Variants in MNAT1 observed in about 807,000 individuals in gnomAD.
MNAT1 encodes MNAT1 component of CDK activating kinase, also known as CDK-activating kinase assembly factor MAT1.
Under a neutral mutation model 42.0 loss-of-function variants are expected in MNAT1, and 43 were observed. The ratio of observed to expected loss-of-function variants is 1.02; its 90% CI spans 0.80 to 1.32. MNAT1 has a LOEUF of 1.32. MNAT1 is among the 40% of genes most tolerant of loss of function. The probability of loss-of-function intolerance (pLI) is 0.00; values close to 1 mark genes in which losing one functional copy is unlikely to be tolerated. For missense variants in MNAT1, 306 were observed against 350.4 expected, an observed-to-expected ratio of 0.87 and a Z score of 1.01; for synonymous variants, 118 against 120.0, an observed-to-expected ratio of 0.98 and a Z score of 0.11.
At chr14:60,736,753 G>C (rs57127110) in intron 1 of MNAT1, among the ~76,000 whole-genome samples, 486 of 152,212 alleles carry the variant, frequency 3.2e-3, no homozygotes, top group African/African-American at 0.011. Flanking sequence ...CTTCTTGTTG[G>C]TACAATAGAG....
At chr14:60,747,126 A>G (rs1433392437) in intron 1 of MNAT1, among the ~76,000 whole-genome samples, 3 of 150,100 alleles carry the variant, frequency 2.0e-5, no homozygotes, top group Admixed American at 6.6e-5. Context: ...GCTGGACTAC[A>G]GGTGCCCGCC....
chr14:60,795,125 A>G (rs1471246197), intron 1 of MNAT1, among the ~76,000 whole-genome samples: 3 of 152,230 alleles, frequency 2.0e-5, no homozygotes, highest in Admixed American at 2.0e-4. Context: ...CTGGAGGACT[A>G]CAAATGTTTA....
At chr14:60,810,957 TAA>T (rs2032523642) in intron 4 of MNAT1, among the ~76,000 whole-genome samples, 2 of 152,248 alleles carry the variant, frequency 1.3e-5, no homozygotes, top group African/African-American at 4.8e-5. Context: ...GAATGTGAGT[TAA>T]GTCTCCTACT....
chr14:60,850,746 C>A (rs1019813702), intron 6 of MNAT1, among the ~76,000 whole-genome samples: 2 of 152,032 alleles, frequency 1.3e-5, no homozygotes, highest in African/African-American at 2.4e-5. Context: ...GGTAGATTAA[C>A]TTAAAAACAA....
intron 6 of MNAT1, among the ~76,000 whole-genome samples, chr14:60,852,586 T>C (rs1219822468): frequency 6.6e-6 from 1 of 152,186 alleles, no homozygotes; most frequent in Non-Finnish European, 1.5e-5. Context: ...TTTGTTGCCA[T>C]TGCTTTTGGT....
In MNAT1 at chr14:60,841,382, T is replaced by G. The variant is rs79336751; in HGVS notation, c.687+22535T>G. 9.7e-3 allele frequency among the ~76,000 whole-genome samples: 1,466 copies of G among 151,858 alleles called. 10 individuals are homozygous for G. Among genetic ancestry groups the G allele is most frequent in the Admixed American group, 0.013 (205 of 15,278 alleles). On this transcript the variant is annotated intron_variant, in intron 6 of 7. Coordinates refer to ENST00000261245, the MANE Select transcript of MNAT1 (RefSeq NM_002431.4). ...ATTTGTTATGTTTTTCATTTTAAAA[T>G]TGTGTGTGTTTTTAACACATACAAC...
At chr14:60,810,142 G>A (rs1002583849) in intron 4 of MNAT1, among the ~76,000 whole-genome samples, 2 of 151,996 alleles carry the variant, frequency 1.3e-5, no homozygotes, top group Non-Finnish European at 2.9e-5. Context: ...AAGTGTTGGT[G>A]TATAATTGTT....
chr14:60,952,630 C>G (rs2036404486), intron 7 of MNAT1, among the ~76,000 whole-genome samples: 1 of 152,122 alleles, frequency 6.6e-6, no homozygotes, highest in African/African-American at 2.4e-5. Context: ...AAGTCAGACA[C>G]AGACAGAGCG....
intron 1 of MNAT1, among the ~76,000 whole-genome samples, chr14:60,781,758 A>G (rs1294982137): frequency 6.6e-6 from 1 of 152,026 alleles, no homozygotes; most frequent in Admixed American, 6.6e-5. Flanking sequence ...ATTTGTTCAT[A>G]GGGGATTTCT....
chr14:60,736,838 C>T (rs946102151), intron 1 of MNAT1, among the ~76,000 whole-genome samples: 1 of 152,014 alleles, frequency 6.6e-6, no homozygotes, highest in Non-Finnish European at 1.5e-5. Flanking sequence ...ATTTAGTATT[C>T]TGTCACATAA....
At chr14:60,838,198 C>T (rs768770025) in intron 6 of MNAT1, among the ~76,000 whole-genome samples, 13 of 151,722 alleles carry the variant, frequency 8.6e-5, no homozygotes, top group African/African-American at 2.4e-4. Flanking sequence ...GCAGTGGGGG[C>T]GATCACTGCT....
At chr14:60,923,753 C>T (rs1310240662) in intron 7 of MNAT1, among the ~76,000 whole-genome samples, 1 of 151,890 alleles carries the variant, frequency 6.6e-6, no homozygotes, top group African/African-American at 2.4e-5. Flanking sequence ...CTGAGGCAGG[C>T]GGATTACTTG....
chr14:60,904,821 G>C (rs920815063), intron 7 of MNAT1, among the ~76,000 whole-genome samples: 1 of 151,888 alleles, frequency 6.6e-6, no homozygotes, highest in Non-Finnish European at 1.5e-5. Flanking sequence ...TAAAAAAGCA[G>C]ATTCAATTTA....
At chr14:60,743,295 C>CTTT (rs368699682) in intron 1 of MNAT1, among the ~76,000 whole-genome samples, 1 of 148,124 alleles carries the variant, frequency 6.8e-6, no homozygotes. Context: ...TTTAGCATTT[C>CTTT]TTTTTTTTTT....
At chr14:60,772,311 G>A (rs542002438) in intron 1 of MNAT1, among the ~76,000 whole-genome samples, 1 of 152,188 alleles carries the variant, frequency 6.6e-6, no homozygotes, top group Non-Finnish European at 1.5e-5. Flanking sequence ...TTGGCCGGGT[G>A]CGGTGGCTTA....
intron 6 of MNAT1, among the ~76,000 whole-genome samples, chr14:60,842,599 A>G (rs1264612421): frequency 2.0e-5 from 3 of 152,222 alleles, no homozygotes; most frequent in African/African-American, 4.8e-5. Flanking sequence ...TTGTTATTGT[A>G]TAATGGTCAT....
intron 7 of MNAT1, among the ~76,000 whole-genome samples, chr14:60,941,779 C>G (rs909513627): frequency 3.3e-5 from 5 of 149,990 alleles, no homozygotes; most frequent in Non-Finnish European, 7.4e-5. Flanking sequence ...CTGAGGCGGG[C>G]GGATCATGAG....
At chr14:60,746,477 T>G (rs1896619488) in intron 1 of MNAT1, among the ~76,000 whole-genome samples, 1 of 150,340 alleles carries the variant, frequency 6.7e-6, no homozygotes, top group African/African-American at 2.5e-5. Context: ...ACCGCACCAC[T>G]GCACTCCAGC....
intron 7 of MNAT1, among the ~76,000 whole-genome samples, chr14:60,895,392 A>G (rs1486483344): frequency 6.6e-6 from 1 of 152,190 alleles, no homozygotes; most frequent in Non-Finnish European, 1.5e-5. Flanking sequence ...GTATGAGGAT[A>G]AGGTATCAGT....
Sources: gnomAD v4.1 joint callset for allele counts (sites outside exome capture counted in the v4.1 genomes callset) on GRCh38, gnomAD v4.1.1 for gene constraint, MANE v1.5 for transcripts, NCBI Gene and HGNC (gene_info 2026-07-23, HGNC 2026-07-21) for gene names.